Variants in PTPRK observed in about 807,000 individuals in gnomAD.
The protein encoded by PTPRK is protein tyrosine phosphatase receptor type K, also known as receptor-type tyrosine-protein phosphatase kappa.
A neutral mutation model predicts 178.0 loss-of-function variants in PTPRK; 75 were observed. The ratio of observed to expected loss-of-function variants is 0.42; its 90% confidence interval spans 0.35 to 0.51. PTPRK has a LOEUF of 0.51. PTPRK is among the 20% of genes least tolerant of loss of function. The pLI, the probability that PTPRK is intolerant of heterozygous loss-of-function variation, is 0.02. For synonymous variants in PTPRK, 637 were observed against 620.6 expected (o/e 1.03, Z -0.39); for missense variants, 1,441 against 1,797.8 (o/e 0.80, Z 3.59).
intron 15 of PTPRK, chr6:128,003,221 G>T: frequency 6.2e-7 from 1 of 1,604,960 alleles, no homozygotes; most frequent in Non-Finnish European, 8.5e-7. Flanking sequence ...GGTACAAGTG[G>T]ATCATTGGGC....
intron 5 of PTPRK, among the ~76,000 whole-genome samples, chr6:128,228,863 G>A (rs768216418): frequency 2.0e-5 from 3 of 151,980 alleles, no homozygotes; most frequent in Admixed American, 6.6e-5. Context: ...CAGACACCAA[G>A]GCTTTATAGT....
intron 1 of PTPRK, among the ~76,000 whole-genome samples, chr6:128,463,979 TC>T (rs1849427497): frequency 6.6e-6 from 1 of 151,878 alleles, no homozygotes; most frequent in South Asian, 2.1e-4. Context: ...GGTCTCGAAC[TC>T]CCGACCTCAG....
In PTPRK at chr6:128,094,609, G is replaced by A. The variant is rs138002268; in HGVS notation, c.1163-4617C>T. Among the ~76,000 whole-genome samples the A allele has an allele frequency of 2.8e-3, 420 of 152,202 alleles. 1 individual carries two copies. The highest frequency in any genetic ancestry group is 9.9e-3 in the African/African-American group (412 of 41,546). On this transcript the variant is annotated intron_variant, in intron 7 of 29. Coordinates refer to ENST00000368226, the MANE Select transcript of PTPRK (RefSeq NM_002844.4). ...TACTGCTTATTTATTGCTTTCTGTT[G>A]GCCAAAAAGTATACTAGAAACTAAG...
intron 13 of PTPRK, among the ~76,000 whole-genome samples, chr6:128,024,821 C>G (rs1774048772): frequency 2.0e-5 from 3 of 151,864 alleles, no homozygotes; most frequent in African/African-American, 2.4e-5. Context: ...AAAACAAAAA[C>G]AACAACAACA....
intron 2 of PTPRK, among the ~76,000 whole-genome samples, chr6:128,351,296 A>G (rs1833094702): frequency 6.6e-6 from 1 of 152,226 alleles, no homozygotes; most frequent in Non-Finnish European, 1.5e-5. Context: ...ATAGAGGCAG[A>G]GAGGTTAGTG....
intron 2 of PTPRK, among the ~76,000 whole-genome samples, chr6:128,368,708 C>A (rs992757019): frequency 6.6e-6 from 1 of 152,126 alleles, no homozygotes; most frequent in Non-Finnish European, 1.5e-5. Context: ...CAAGTAGCTA[C>A]GTGCTCTTCA....
At chr6:128,238,572 T>G (rs1382415159) in intron 5 of PTPRK, among the ~76,000 whole-genome samples, 5 of 152,222 alleles carry the variant, frequency 3.3e-5, no homozygotes, top group Non-Finnish European at 7.3e-5. Context: ...AAATGCCAGC[T>G]AATGTTCCCA....
chr6:127,976,460 G>A (rs946270549), intron 27 of PTPRK, among the ~76,000 whole-genome samples, 197 bp downstream of exon 27: 5 of 152,150 alleles, frequency 3.3e-5, no homozygotes, highest in South Asian at 2.1e-4. Context: ...GTGACTGACC[G>A]AAAAACCTAG....
At position 128,461,231 on chromosome 6, in the gene PTPRK, CGTGT is replaced by C. The variant is rs144928884; in HGVS notation, c.100+59024_100+59027del. 7.9e-3 allele frequency among the ~76,000 whole-genome samples: 1,166 copies of C among 147,048 alleles called. 9 individuals carry two copies. Among genetic ancestry groups the C allele is most frequent in the African/African-American group, 0.025 (1,003 of 40,300 alleles). ...AAAAATGTTTTATCTTTTGTTATTC[CGTGT>C]GTGTGTGTGTGTGTGTGTGTGTGAA... On this transcript the variant is annotated intron_variant, in intron 1 of 29. Transcript: ENST00000368226.
chr6:128,169,763 T>C (rs559487500), intron 7 of PTPRK, among the ~76,000 whole-genome samples: 2 of 144,804 alleles, frequency 1.4e-5, no homozygotes, highest in Admixed American at 1.4e-4. Flanking sequence ...CAATTCCCAC[T>C]TAAATATGTT....
intron 1 of PTPRK, among the ~76,000 whole-genome samples, chr6:128,426,436 T>A (rs1844150011): frequency 6.6e-6 from 1 of 152,166 alleles, no homozygotes; most frequent in Non-Finnish European, 1.5e-5. Flanking sequence ...TTATAATCCC[T>A]TTGGAAGCAT....
At chr6:128,396,607 T>C (rs1214197817) in intron 2 of PTPRK, among the ~76,000 whole-genome samples, 2 of 152,096 alleles carry the variant, frequency 1.3e-5, no homozygotes, top group African/African-American at 4.8e-5. Flanking sequence ...TGTTAATGTG[T>C]TTTTCCTAAG....
intron 3 of PTPRK, among the ~76,000 whole-genome samples, chr6:128,265,175 T>G (rs1818753984): frequency 6.6e-6 from 1 of 150,848 alleles, no homozygotes; most frequent in African/African-American, 2.4e-5. Flanking sequence ...AAGCCAAACT[T>G]TGAATACACT....
intron 6 of PTPRK, among the ~76,000 whole-genome samples, chr6:128,196,028 C>A (rs1804797433): frequency 1.3e-5 from 2 of 152,002 alleles, no homozygotes; most frequent in Admixed American, 6.6e-5. Flanking sequence ...TTTAGGTAAG[C>A]TATCCTGATG....
chr6:128,178,785 A>T (rs1031042053), intron 7 of PTPRK, among the ~76,000 whole-genome samples: 3 of 151,846 alleles, frequency 2.0e-5, no homozygotes, highest in Non-Finnish European at 4.4e-5. Context: ...CAAATCTAGT[A>T]ATGTCAGTCT....
intron 6 of PTPRK, among the ~76,000 whole-genome samples, chr6:128,190,634 G>T (rs938184591): frequency 6.6e-6 from 1 of 151,446 alleles, no homozygotes; most frequent in Admixed American, 6.6e-5. Context: ...AAGTAGCTGG[G>T]ATTACAGATA....
intron 7 of PTPRK, among the ~76,000 whole-genome samples, chr6:128,123,010 G>A (rs957069707): frequency 6.6e-6 from 1 of 152,112 alleles, no homozygotes; most frequent in African/African-American, 2.4e-5. Flanking sequence ...ACTTTATTTG[G>A]AATAAGGCTC....
chr6:128,153,823 CCAAGA>C lies in PTPRK; in HGVS notation c.1162+30604_1162+30608del, dbSNP rs542146430. On this transcript the variant is annotated intron_variant, in intron 7 of 29. Coordinates refer to ENST00000368226, the MANE Select transcript of PTPRK (RefSeq NM_002844.4). The stretch of plus-strand genomic sequence containing the variant: ...TGGAAAATTCGTTCATTCAATTTTC[CCAAGA>C]CAAAATGGTCTTTTCCCCTGAAATA... 1.6e-3 allele frequency among the ~76,000 whole-genome samples: 242 copies of C among 151,780 alleles called. 1 individual carries two copies. Among genetic ancestry groups the C allele is most frequent in the African/African-American group, 5.5e-3 (230 of 41,442 alleles).
intron 12 of PTPRK, among the ~76,000 whole-genome samples, chr6:128,066,699 C>T (rs2114937588): frequency 7.3e-6 from 1 of 136,610 alleles, no homozygotes; most frequent in South Asian, 2.1e-4. Context: ...TCTCTGTCTG[C>T]CAATAAATAA....
Sources: gnomAD v4.1 joint callset for allele counts (sites outside exome capture counted in the v4.1 genomes callset) on GRCh38, gnomAD v4.1.1 for gene constraint, MANE v1.5 for transcripts, NCBI Gene and HGNC (gene_info 2026-07-23, HGNC 2026-07-21) for gene names.